CNBD1: variants seen among roughly 807,000 people sequenced by gnomAD.
CNBD1 encodes cyclic nucleotide-binding domain-containing protein 1.
A neutral mutation model predicts 54.4 loss-of-function variants in CNBD1; 71 were observed. The ratio of observed to expected loss-of-function variants is 1.30; its 90% confidence interval spans 1.08 to 1.59. The LOEUF is 1.59. Among genes scored for constraint, CNBD1 ranks in the 40% most tolerant of loss-of-function variants. The probability of loss-of-function intolerance (pLI) is 0.00; values close to 1 mark genes in which losing one functional copy is unlikely to be tolerated. For synonymous variants in CNBD1, 182 were observed against 170.7 expected (o/e 1.07, Z -0.51); for missense variants, 659 against 518.0 (o/e 1.27, Z -2.64).
In CNBD1 at chr8:87,000,451, A is replaced by G. The variant is rs932523468; in HGVS notation, c.431+60697A>G. Among the ~76,000 whole-genome samples the G allele has an allele frequency of 3.3e-5, 5 of 152,170 alleles. No homozygotes were observed. The East Asian group carries it at 9.6e-4, about 29-fold the overall frequency. On this transcript the variant is annotated intron_variant, in intron 4 of 10. Transcript: ENST00000518476. ...TGTGAGAACAGACTCTAATACAAGTATGGTCTCTGGAACCAGATAGCCTAC... is the reference window on the plus strand; with the variant it reads ...TGTGAGAACAGACTCTAATACAAGTGTGGTCTCTGGAACCAGATAGCCTAC...
At chr8:87,109,419 G>A (rs891782565) in intron 4 of CNBD1, among the ~76,000 whole-genome samples, 2 of 151,792 alleles carry the variant, frequency 1.3e-5, no homozygotes, top group African/African-American at 4.8e-5. Flanking sequence ...ATACCTGATG[G>A]CATAAAAATA....
At chr8:87,305,757 A>T (rs1366185137) in intron 8 of CNBD1, among the ~76,000 whole-genome samples, 1 of 152,186 alleles carries the variant, frequency 6.6e-6, no homozygotes, top group African/African-American at 2.4e-5. Flanking sequence ...AATCAACTCA[A>T]AATGGATTAA....
intron 8 of CNBD1, among the ~76,000 whole-genome samples, chr8:87,309,201 A>C (rs1809215854): frequency 6.6e-6 from 1 of 152,132 alleles, no homozygotes; most frequent in South Asian, 2.1e-4. Context: ...TATTCCTACC[A>C]ACAATGTATA....
At chr8:86,950,188 G>A (rs1807581749) in intron 4 of CNBD1, among the ~76,000 whole-genome samples, 1 of 150,336 alleles carries the variant, frequency 6.7e-6, no homozygotes, top group South Asian at 2.1e-4. Flanking sequence ...AGCTTCCAGA[G>A]TAGCTGGGAT....
At chr8:87,321,610 G>C (rs1173135447) in intron 8 of CNBD1, among the ~76,000 whole-genome samples, 4 of 151,944 alleles carry the variant, frequency 2.6e-5, no homozygotes, top group African/African-American at 4.8e-5. Flanking sequence ...CAGGTATATA[G>C]TCTGCAAATA....
intron 10 of CNBD1, among the ~76,000 whole-genome samples, chr8:87,360,416 A>C (rs969749441): frequency 6.6e-6 from 1 of 151,894 alleles, no homozygotes; most frequent in South Asian, 2.1e-4. Context: ...CATCTAAATA[A>C]GAATGAGAAT....
At chr8:86,910,274 A>G (rs528272617) in intron 3 of CNBD1, among the ~76,000 whole-genome samples, 2 of 152,152 alleles carry the variant, frequency 1.3e-5, no homozygotes, top group South Asian at 2.1e-4. Context: ...CGGACTCTCT[A>G]CTTCTCATCC....
At chr8:87,315,243 C>T (rs1809359248) in intron 8 of CNBD1, among the ~76,000 whole-genome samples, 1 of 151,994 alleles carries the variant, frequency 6.6e-6, no homozygotes, top group Non-Finnish European at 1.5e-5. Context: ...TATATTCCAG[C>T]TGGATCACAA....
chr8:86,883,591 T>C (rs1808635149), intron 1 of CNBD1, among the ~76,000 whole-genome samples: 1 of 152,108 alleles, frequency 6.6e-6, no homozygotes, highest in Admixed American at 6.5e-5. Flanking sequence ...GAGAGAATGG[T>C]GTCACAAAAA....
intron 8 of CNBD1, among the ~76,000 whole-genome samples, chr8:87,336,565 C>T (rs1471622009): frequency 6.6e-6 from 1 of 152,114 alleles, no homozygotes; most frequent in African/African-American, 2.4e-5. Flanking sequence ...ATGTTTCTCT[C>T]TAGACTGGTA....
chr8:86,948,550 A>G (rs981784660), intron 4 of CNBD1, among the ~76,000 whole-genome samples: 2 of 152,118 alleles, frequency 1.3e-5, no homozygotes, highest in Non-Finnish European at 2.9e-5. Flanking sequence ...TGCCATTTGC[A>G]TGTCATTTTT....
chr8:87,051,994 C>T (rs570912006), intron 4 of CNBD1, among the ~76,000 whole-genome samples: 43 of 152,300 alleles, frequency 2.8e-4, no homozygotes, highest in South Asian at 1.5e-3. Context: ...CAGTGGTCCC[C>T]ACCACAAGCT....
intron 9 of CNBD1, among the ~76,000 whole-genome samples, chr8:87,353,417 T>C (rs763330124): frequency 4.6e-5 from 7 of 152,222 alleles, no homozygotes; most frequent in Non-Finnish European, 7.3e-5. Context: ...ATGCTTTCAA[T>C]TACCTTAGAT....
intron 8 of CNBD1, among the ~76,000 whole-genome samples, chr8:87,329,696 A>T (rs775594195): frequency 6.6e-6 from 1 of 152,000 alleles, no homozygotes; most frequent in Non-Finnish European, 1.5e-5. Flanking sequence ...TTGAAATTCC[A>T]TTTGTTTGTT....
intron 4 of CNBD1, among the ~76,000 whole-genome samples, chr8:86,961,303 G>T (rs1452058087): frequency 2.6e-5 from 4 of 152,180 alleles, no homozygotes; most frequent in Non-Finnish European, 4.4e-5. Context: ...TGGTTTCTAT[G>T]ACAGTTTGAT....
chr8:87,283,492 C>G (rs1010352346), intron 6 of CNBD1, among the ~76,000 whole-genome samples: 8 of 151,962 alleles, frequency 5.3e-5, no homozygotes, highest in Non-Finnish European at 1.0e-4. Flanking sequence ...TAATACCTTC[C>G]TGGATCCTAG....
chr8:87,251,761 A>G (rs778334520), intron 6 of CNBD1, among the ~76,000 whole-genome samples: 1 of 152,146 alleles, frequency 6.6e-6, no homozygotes, highest in Non-Finnish European at 1.5e-5. Flanking sequence ...TAGGGCCACA[A>G]TGGGCAATAG....
intron 4 of CNBD1, among the ~76,000 whole-genome samples, chr8:87,199,853 A>G (rs546859894): frequency 1.2e-4 from 19 of 152,268 alleles, no homozygotes; most frequent in Admixed American, 4.6e-4. Flanking sequence ...TTTAAAAATA[A>G]TTAATGTAAA....
chr8:87,308,160 G>A (rs543888701), intron 8 of CNBD1, among the ~76,000 whole-genome samples: 1 of 152,128 alleles, frequency 6.6e-6, no homozygotes, highest in East Asian at 1.9e-4. Flanking sequence ...GGCTGGAGTT[G>A]GGTTACATGC....
Sources: allele counts gnomAD v4.1 joint callset (sites outside exome capture counted in the v4.1 genomes callset), GRCh38; gene constraint gnomAD v4.1.1; transcripts MANE v1.5; gene names NCBI Gene and HGNC (gene_info 2026-07-23, HGNC 2026-07-21).